The following CENPL variants were observed in gnomAD, a reference collection of about 807,000 sequenced individuals.
CENPL encodes the protein interphase centromere complex protein 33.
CENPL carries 20 observed loss-of-function variants against 35.2 expected under a neutral mutation model. The ratio of observed to expected loss-of-function variants is 0.57; its 90% CI spans 0.40 to 0.83. The LOEUF is 0.83. CENPL is among the 40% of genes least tolerant of loss of function. CENPL has a pLI of 0.00. For missense variants in CENPL, 363 were observed against 395.8 expected (o/e 0.92, Z 0.70); for synonymous variants, 140 against 140.6 (o/e 1.00, Z 0.03).
At chr1:173,814,939 C>T (rs1369844918) in intron 2 of CENPL, among the ~76,000 whole-genome samples, 1 of 151,968 alleles carries the variant, frequency 6.6e-6, no homozygotes, top group East Asian at 1.9e-4. Flanking sequence ...AGACCGTTAG[C>T]AAGACTAATA....
intron 2 of CENPL, among the ~76,000 whole-genome samples, chr1:173,817,798 T>C (rs6684147): frequency 0.077 from 11,746 of 152,156 alleles, 1,488 homozygotes; most frequent in African/African-American, 0.26. Context: ...ATGTGGCACA[T>C]ATATACCATG....
intron 2 of CENPL, among the ~76,000 whole-genome samples, chr1:173,816,161 C>A (rs1651356596): frequency 6.6e-6 from 1 of 152,132 alleles, no homozygotes; most frequent in African/African-American, 2.4e-5. Context: ...GAACTACAAA[C>A]CACTGCTCAA....
intron 2 of CENPL, among the ~76,000 whole-genome samples, chr1:173,816,143 T>C (rs1651354363): frequency 6.6e-6 from 1 of 152,158 alleles, no homozygotes; most frequent in African/African-American, 2.4e-5. Context: ...GAAGGATCTC[T>C]TCAAGGAGAA....
chr1:173,811,818 C>T (rs1650854162), intron 2 of CENPL, among the ~76,000 whole-genome samples: 1 of 152,216 alleles, frequency 6.6e-6, no homozygotes, highest in Non-Finnish European at 1.5e-5. Context: ...ACTGGCTGGA[C>T]AGTGGGTGCA....
At chr1:173,811,782 T>A (rs781092470) in intron 2 of CENPL, among the ~76,000 whole-genome samples, 1 of 152,194 alleles carries the variant, frequency 6.6e-6, no homozygotes, top group Non-Finnish European at 1.5e-5. Flanking sequence ...CATTTCCAAC[T>A]GAGGTAACTG....
rs1329888815 is a variant in CENPL, at chr1:173,823,989, G to A, written c.-71C>T. The A allele has an allele frequency of 2.6e-5, 4 of 151,472 alleles. No homozygotes were observed. Among genetic ancestry groups the A allele is most frequent in the Admixed American group, 1.3e-4 (2 of 15,204 alleles). The allele number at this position is 151,472 out of a possible 1,614,324, so 9.4% of individuals were successfully genotyped here. On this transcript the variant is annotated 5_prime_UTR_variant, in exon 2 of 6. Transcript: ENST00000682279. Reference sequence around the variant, plus strand: ...TTCACGAATCATTCTTCAAAAGTCCGGCTCCAAAACTATGTGGAGACTGAA... The same window carrying A: ...TTCACGAATCATTCTTCAAAAGTCCAGCTCCAAAACTATGTGGAGACTGAA...
At position 173,816,320 on chromosome 1, in the gene CENPL, T is replaced by C. The variant is rs550441165; in HGVS notation, c.-7-5014A>G. On this transcript the variant is annotated intron_variant, in intron 2 of 5. Coordinates refer to ENST00000682279, the MANE Select transcript of CENPL (RefSeq NM_001387287.1). Reference sequence around the variant, plus strand: ...GCTACCAATGACTTTCTTCACAGAATTGGAAAAAACTACTTTAAAGTTCAT... The same window carrying C: ...GCTACCAATGACTTTCTTCACAGAACTGGAAAAAACTACTTTAAAGTTCAT... Among the ~76,000 whole-genome samples the C allele has an allele frequency of 4.6e-5, 7 of 152,252 alleles. No homozygotes were observed. In the South Asian group the frequency reaches 8.3e-4, roughly 18 times the overall value.
intron 2 of CENPL, among the ~76,000 whole-genome samples, chr1:173,816,788 A>C (rs560347432): frequency 5.9e-5 from 9 of 152,318 alleles, no homozygotes; most frequent in Admixed American, 1.3e-4. Context: ...GGACTTCATG[A>C]CTAAAACACC....
chr1:173,809,602 A>C (rs1043432099), intron 3 of CENPL, among the ~76,000 whole-genome samples: 2 of 151,940 alleles, frequency 1.3e-5, no homozygotes, highest in Admixed American at 6.6e-5. Context: ...TCTAAAAAAA[A>C]AAAACAAAAC....
chr1:173,802,253 T>TG (rs1417807134), intron 5 of CENPL, among the ~76,000 whole-genome samples: 9 of 152,080 alleles, frequency 5.9e-5, no homozygotes, highest in African/African-American at 2.2e-4. Flanking sequence ...TCACCCAGGC[T>TG]GGAGTGCAGT....
Position 173,803,163 on chromosome 1 carries a change from C to G in CENPL, c.763G>C (p.Ala255Pro). 1.2e-6 allele frequency: 2 copies of G among 1,613,594 alleles called. No homozygotes were observed. Among genetic ancestry groups the G allele is most frequent in the Non-Finnish European group, 1.7e-6 (2 of 1,179,630 alleles). Residue 255 changes from alanine to proline, a missense_variant, in exon 5 of 6, where the codon GCA becomes CCA. Physicochemically the swap from Ala to Pro is conservative, Grantham distance 27 (BLOSUM62 -1). Transcript: ENST00000682279. ...CSPQSLDISF[A>P]IHPEDAKALW... ...GCTTTTGCATCCTCTGGATGTATTG[C>G]GAAAGAAATGTCCAGACTTTGAGGG... is the stretch of plus-strand genomic sequence containing the variant.
intron 2 of CENPL, among the ~76,000 whole-genome samples, chr1:173,812,859 G>C (rs1249989484): frequency 6.6e-6 from 1 of 152,090 alleles, no homozygotes; most frequent in African/African-American, 2.4e-5. Context: ...CAGAAGGTCG[G>C]TAATAACAAA....
chr1:173,804,029 C>G (rs1031757108), intron 4 of CENPL, among the ~76,000 whole-genome samples: 2 of 152,074 alleles, frequency 1.3e-5, no homozygotes, highest in Non-Finnish European at 2.9e-5. Flanking sequence ...TGTAACCAAA[C>G]TGCAAAATAA....
intron 2 of CENPL, among the ~76,000 whole-genome samples, chr1:173,816,501 A>T (rs920196229): frequency 2.6e-5 from 4 of 152,174 alleles, no homozygotes; most frequent in African/African-American, 9.7e-5. Flanking sequence ...GACCAATGGA[A>T]CAGAACAGAG....
At chr1:173,801,794 T>C (rs1188765837) in intron 5 of CENPL, among the ~76,000 whole-genome samples, 1 of 152,148 alleles carries the variant, frequency 6.6e-6, no homozygotes, top group African/African-American at 2.4e-5. Flanking sequence ...CACCCCAGCC[T>C]GGGTGACAGA....
chr1:173,813,006 G>A (rs534998848), intron 2 of CENPL, among the ~76,000 whole-genome samples: 2 of 152,234 alleles, frequency 1.3e-5, no homozygotes, highest in Admixed American at 1.3e-4. Flanking sequence ...GAAAACCATG[G>A]CACAAGAACT....
At chr1:173,804,677 T>C (rs1303141134) in intron 4 of CENPL, among the ~76,000 whole-genome samples, 1 of 152,242 alleles carries the variant, frequency 6.6e-6, no homozygotes, top group Non-Finnish European at 1.5e-5. Context: ...ACTGAGGCTG[T>C]AAATTTATTC....
chr1:173,811,881 G>A (rs368378400), intron 2 of CENPL, among the ~76,000 whole-genome samples: 26 of 152,364 alleles, frequency 1.7e-4, no homozygotes, highest in African/African-American at 4.1e-4. Flanking sequence ...CCTGGGAAGC[G>A]CAAGGGGTCC....
At chr1:173,819,134 G>A (rs1396915763) in intron 2 of CENPL, among the ~76,000 whole-genome samples, 2 of 152,110 alleles carry the variant, frequency 1.3e-5, no homozygotes, top group Admixed American at 6.5e-5. Context: ...CTACTCAGGA[G>A]GCTGAAGTAG....
Sources: gnomAD v4.1 joint callset for allele counts (sites outside exome capture counted in the v4.1 genomes callset) on GRCh38, gnomAD v4.1.1 for gene constraint, MANE v1.5 for transcripts, NCBI Gene and HGNC (gene_info 2026-07-23, HGNC 2026-07-21) for gene names.